The following MLLT1 variants were observed in gnomAD, a reference collection of about 807,000 sequenced individuals.
MLLT1 encodes the protein MLLT1 super elongation complex subunit.
MLLT1 carries 11 observed loss-of-function variants against 55.1 expected under a neutral mutation model. The observed-to-expected ratio is 0.20, with a 90% CI of 0.13 to 0.33. The LOEUF is 0.33. Among genes scored for constraint, MLLT1 ranks in the 10% least tolerant of loss-of-function variants. The pLI is 1.00. For missense variants in MLLT1, 536 were observed against 760.6 expected (o/e 0.70, Z 3.47); for synonymous variants, 323 against 320.1 (o/e 1.01, Z -0.10).
intron 1 of MLLT1, among the ~76,000 whole-genome samples, 197 bp downstream of exon 1, chr19:6,279,559 CCCGGGTCCCGAAGGGTG>C (rs1305827269): frequency 6.6e-6 from 1 of 151,718 alleles, no homozygotes; most frequent in African/African-American, 2.4e-5. Context: ...CCGGGCCCGG[CCCGGGTCCCGAAGGGTG>C]TCCGAGGCGC....
rs114283533 is a variant in MLLT1, at chr19:6,277,408, C to G, written c.12+2365G>C. ...CATCTGCATTGCCCGACAGGGTGGTCAGTAGCTCAGTAGCTCAGTAATGGT... is the reference window on the plus strand; with the variant it reads ...CATCTGCATTGCCCGACAGGGTGGTGAGTAGCTCAGTAGCTCAGTAATGGT... On this transcript the variant is annotated intron_variant, in intron 1 of 11. Coordinates refer to ENST00000252674, the MANE Select transcript of MLLT1 (RefSeq NM_005934.4). Among the ~76,000 whole-genome samples, 560 of 152,300 alleles carry G rather than the reference C, an allele frequency of 3.7e-3. 2 individuals carry two copies. Among genetic ancestry groups the G allele is most frequent in the African/African-American group, 0.013 (524 of 41,548 alleles).
rs2090845366 is a variant in MLLT1 at position 6,216,502 on chromosome 19, A to G, written c.1210T>C (p.Ser404Pro). The G allele has an allele frequency of 1.9e-6, 3 of 1,593,060 alleles. No individual in the cohort carries two copies. Among genetic ancestry groups the G allele is most frequent in the Non-Finnish European group, 1.7e-6 (2 of 1,169,572 alleles). The change falls in exon 8 of 12, where the codon TCC becomes CCC. Residue 404 changes from serine (S) to proline (P), a missense_variant. Physicochemically the swap from Ser to Pro is moderately conservative, Grantham distance 74. Coordinates refer to ENST00000252674, the MANE Select transcript of MLLT1 (RefSeq NM_005934.4). The stretch of plus-strand genomic sequence containing the variant: ...TCGGACTGCAGGTCCTCCACCATGG[A>G]GCGCAGGGGTCCTGGGGAGGCGGGG... ...SQNHSQGPLR[S>P]MVEDLQSEES...
rs2091106976 is a variant in MLLT1, at chr19:6,240,831, T to C, written c.277-10118A>G. ...CCGATAACCAGAATCAATTCCTGCA[T>C]CGATGAGCAATTAGAAACCAAAAGG... On this transcript the variant is annotated intron_variant, in intron 3 of 11. Transcript: ENST00000252674. This position sits in a 1 kb window ranked among gnomAD's most constrained non-coding sequence, Gnocchi z 4.7. 6.6e-6 allele frequency among the ~76,000 whole-genome samples: 1 copy of C among 152,146 alleles called. No homozygotes were observed. The highest frequency in any genetic ancestry group is 2.4e-5 in the African/African-American group (1 of 41,424).
At chr19:6,279,167 G>A (rs2091443813) in intron 1 of MLLT1, among the ~76,000 whole-genome samples, 1 of 152,118 alleles carries the variant, frequency 6.6e-6, no homozygotes, top group South Asian at 2.1e-4. Context: ...GGGTCCCAGG[G>A]GGCCGGGGAC....
At chr19:6,247,234 C>T (rs73920621) in intron 3 of MLLT1, among the ~76,000 whole-genome samples, 2,118 of 152,206 alleles carry the variant, frequency 0.014, 61 homozygotes, top group African/African-American at 0.046. Context: ...AGAACCTAAA[C>T]GCAGTGACAA....
chr19:6,246,036 C>G (rs1475184131), intron 3 of MLLT1, among the ~76,000 whole-genome samples: 1 of 151,974 alleles, frequency 6.6e-6, no homozygotes. Context: ...TGATATCGCA[C>G]CTTTGCACTC....
Position 6,231,219 on chromosome 19 carries a change from G to A in MLLT1, c.277-506C>T, listed in dbSNP as rs1485003500. 6.6e-6 allele frequency among the ~76,000 whole-genome samples: 1 copy of A among 152,226 alleles called. No homozygotes were observed. Among genetic ancestry groups the A allele is most frequent in the Non-Finnish European group, 1.5e-5 (1 of 68,036 alleles). On this transcript the variant is annotated intron_variant, in intron 3 of 11. Coordinates refer to ENST00000252674, the MANE Select transcript of MLLT1 (RefSeq NM_005934.4). This position sits in a 1 kb window ranked among gnomAD's most constrained non-coding sequence, Gnocchi z 5.1. ...GGCAAAAGTACAAGGTCACGACCCA[G>A]TTTCCAGGAGGCTCTGTCCACTTTG... is the stretch of plus-strand genomic sequence containing the variant.
intron 3 of MLLT1, chr19:6,259,904 A>G (rs1007246874): frequency 1.3e-5 from 2 of 152,100 alleles, no homozygotes; most frequent in Non-Finnish European, 1.5e-5. Flanking sequence ...AAATGGGAGA[A>G]TTTTACTATA....
chr19:6,257,205 T>C, intron 3 of MLLT1, among the ~76,000 whole-genome samples: 1 of 152,110 alleles, frequency 6.6e-6, no homozygotes, highest in South Asian at 2.1e-4. Flanking sequence ...AAAACATTCA[T>C]GCAACAAGGG....
chr19:6,270,724 G>A lies in MLLT1; in HGVS notation c.48C>T (p.Arg16=), dbSNP rs956851269. The change falls in exon 2 of 12, where the codon CGC becomes CGT. Residue 16 remains arginine, a synonymous_variant. Transcript: ENST00000252674. This position sits in a 1 kb window ranked among gnomAD's most constrained non-coding sequence, Gnocchi z 7.1. Reference sequence around the variant, plus strand: ...TGGTGGGCTTCTTGCGCAGTTGGGCGCGATGCCCCAGCTCTAACCTCACCT... The same window carrying A: ...TGGTGGGCTTCTTGCGCAGTTGGGCACGATGCCCCAGCTCTAACCTCACCT... ...TVQVRLELGH[R]AQLRKKPTTE... is the part of the protein sequence containing the mutation. 39 of 1,613,524 alleles carry A rather than the reference G, an allele frequency of 2.4e-5. No homozygotes were observed. The Admixed American group carries it at 5.2e-4, about 21-fold the overall frequency.
At chr19:6,249,286 A>G (rs530888001) in intron 3 of MLLT1, among the ~76,000 whole-genome samples, 29 of 151,908 alleles carry the variant, frequency 1.9e-4, no homozygotes, top group East Asian at 3.9e-4. Context: ...TAACGCGGCT[A>G]AAAAATAATA....
At chr19:6,241,852 A>G (rs2091115988) in intron 3 of MLLT1, among the ~76,000 whole-genome samples, 1 of 152,224 alleles carries the variant, frequency 6.6e-6, no homozygotes, top group African/African-American at 2.4e-5. Flanking sequence ...GTCCCCGCAC[A>G]CAATGTGGCT....
At chr19:6,224,236 G>A (rs1486171426) in intron 5 of MLLT1, among the ~76,000 whole-genome samples, 1 of 152,262 alleles carries the variant, frequency 6.6e-6, no homozygotes, top group East Asian at 1.9e-4. Flanking sequence ...ACCAGTGGCT[G>A]TGAGGCCTCT....
intron 7 of MLLT1, among the ~76,000 whole-genome samples, chr19:6,217,223 G>T (rs1462895838): frequency 6.6e-6 from 1 of 152,082 alleles, no homozygotes; most frequent in Admixed American, 6.5e-5. Context: ...CTGAATTCCA[G>T]GCCAGACTCC....
intron 3 of MLLT1, among the ~76,000 whole-genome samples, chr19:6,241,767 G>T (rs2091115074): frequency 6.6e-6 from 1 of 152,360 alleles, no homozygotes; most frequent in South Asian, 2.1e-4. Flanking sequence ...GATGCTCTGG[G>T]GAAAGACAGA....
chr19:6,279,390 G>A (rs1363901980), intron 1 of MLLT1, among the ~76,000 whole-genome samples: 2 of 152,050 alleles, frequency 1.3e-5, no homozygotes, highest in Non-Finnish European at 2.9e-5. Context: ...AAGGAGCTCT[G>A]GGCCAGGCTG....
intron 3 of MLLT1, among the ~76,000 whole-genome samples, chr19:6,258,491 C>T (rs2091277068): frequency 6.6e-6 from 1 of 152,184 alleles, no homozygotes; most frequent in Admixed American, 6.5e-5. Flanking sequence ...AAAACTTCTT[C>T]ACAACACACA....
chr19:6,214,268 G>A (rs912814985), intron 8 of MLLT1, among the ~76,000 whole-genome samples: 5 of 152,204 alleles, frequency 3.3e-5, no homozygotes, highest in Non-Finnish European at 5.9e-5. Flanking sequence ...GGGGCCGCCC[G>A]AGCAGGCCAA....
At chr19:6,279,238 T>C (rs576187674) in intron 1 of MLLT1, among the ~76,000 whole-genome samples, 4 of 151,942 alleles carry the variant, frequency 2.6e-5, no homozygotes, top group African/African-American at 9.7e-5. Context: ...CTCTGGGAGT[T>C]TGAGGCGACT....
Sources: allele counts gnomAD v4.1 joint callset (sites outside exome capture counted in the v4.1 genomes callset), GRCh38; gene constraint gnomAD v4.1.1; non-coding constraint Gnocchi (gnomAD v3.1); transcripts MANE v1.5; gene names NCBI Gene and HGNC (gene_info 2026-07-23, HGNC 2026-07-21).